Variants in RFPL2 observed in about 807,000 individuals in gnomAD.
RFPL2 encodes ret finger protein like 2.
A neutral mutation model predicts 17.8 loss-of-function variants in RFPL2; 13 were observed. The ratio of observed to expected loss-of-function variants is 0.73; its 90% confidence interval spans 0.47 to 1.16. The LOEUF is 1.16. RFPL2 is among the 50% of genes most tolerant of loss of function. The pLI is 0.00. For synonymous variants in RFPL2, 189 were observed against 180.9 expected (o/e 1.04, Z -0.36); for missense variants, 431 against 479.3 (o/e 0.90, Z 0.94).
intron 2 of RFPL2, chr22:32,200,117 C>T (rs1923761533): frequency 2.5e-6 from 1 of 397,440 alleles, no homozygotes; most frequent in Non-Finnish European, 5.0e-6. Flanking sequence ...AGTACACAGC[C>T]AGAAGCGACC....
intron 3 of RFPL2, 34 bp downstream of exon 3, chr22:32,194,311 A>C (rs1254237725): frequency 3.1e-6 from 5 of 1,589,962 alleles, no homozygotes; most frequent in African/African-American, 1.4e-5. Context: ...CTAGGCATCT[A>C]AGAGGAAAAA....
chr22:32,192,350 G>A (rs962784088), intron 4 of RFPL2, among the ~76,000 whole-genome samples: 3 of 152,198 alleles, frequency 2.0e-5, no homozygotes, highest in Admixed American at 6.5e-5. Context: ...AGCCCATGGC[G>A]CATGGATGAG....
At chr22:32,204,682 T>A (rs769438521) in intron 1 of RFPL2, among the ~76,000 whole-genome samples, 25 bp downstream of exon 1, 5 of 152,202 alleles carry the variant, frequency 3.3e-5, no homozygotes, top group African/African-American at 4.8e-5. Context: ...GCCTCCAGCG[T>A]GGGACAGGTG....
chr22:32,204,119 C>CCAGCGCGACCAGTGCAG, intron 1 of RFPL2, among the ~76,000 whole-genome samples: 1 of 150,116 alleles, frequency 6.7e-6, no homozygotes, highest in African/African-American at 2.4e-5. Context: ...AACCCGCACC[C>CCAGCGCGACCAGTGCAG]CCACCCCCGC....
intron 2 of RFPL2, among the ~76,000 whole-genome samples, chr22:32,198,343 G>A (rs1923565243): frequency 6.6e-6 from 1 of 152,116 alleles, no homozygotes; most frequent in African/African-American, 2.4e-5. Flanking sequence ...ATTTCCAGAT[G>A]TCCTGTCATT....
Position 32,194,408 on chromosome 22 carries a change from A to T in RFPL2, c.202T>A (p.Ser68Thr), listed in dbSNP as rs77376164. ...CACTGGGCGCTCAGGTCTTGTGGGGAAGGGGCACACGAGGGCCTTTTATTG... is the reference window on the plus strand; with the variant it reads ...CACTGGGCGCTCAGGTCTTGTGGGGTAGGGGCACACGAGGGCCTTTTATTG... The part of the protein sequence containing the change: ...LTNKRPSCAP[S>T]PQDLSAQWKQ... The change falls in exon 3 of 5, where the codon TCC (serine) becomes ACC (threonine). Residue 68 changes from serine (S) to threonine (T), a missense_variant. By Grantham distance (58) the Ser-to-Thr change is moderately conservative. Transcript: ENST00000652607. The T allele has an allele frequency of 3.8e-3, 6,063 of 1,609,062 alleles. 178 individuals are homozygous for T. In the African/African-American group the frequency reaches 0.07, roughly 19 times the overall value.
At chr22:32,197,199 C>G (rs557281304) in intron 2 of RFPL2, among the ~76,000 whole-genome samples, 2 of 152,112 alleles carry the variant, frequency 1.3e-5, no homozygotes, top group African/African-American at 4.8e-5. Flanking sequence ...GGCTCTGCAG[C>G]AGAAATCTTA....
In RFPL2 at chr22:32,202,477, C is replaced by A; in HGVS notation, c.-26G>T. ...CGGAGGCAAATCATGGTGCCACAGG[C>A]TCTAGCCTCCAGCCCGTGGCATGTA... On this transcript the variant is annotated 5_prime_UTR_variant, in exon 2 of 5. Transcript: ENST00000652607. The A allele has an allele frequency of 6.4e-7, 1 of 1,566,144 alleles. No homozygotes were observed. Among genetic ancestry groups the A allele is most frequent in the Non-Finnish European group, 8.7e-7 (1 of 1,155,308 alleles).
intron 2 of RFPL2, among the ~76,000 whole-genome samples, chr22:32,200,660 C>A (rs1923822673): frequency 6.6e-6 from 1 of 152,108 alleles, no homozygotes; most frequent in South Asian, 2.1e-4. Context: ...TTCAGATGCA[C>A]CCTCTGTCCC....
intron 4 of RFPL2, 71 bp downstream of exon 4, chr22:32,192,831 A>T: frequency 6.6e-7 from 1 of 1,525,660 alleles, no homozygotes; most frequent in East Asian, 2.3e-5. Flanking sequence ...ATGTGGAATG[A>T]GGGGCCAACT....
At chr22:32,201,741 A>G (rs1308348114) in intron 2 of RFPL2, among the ~76,000 whole-genome samples, 1 of 152,186 alleles carries the variant, frequency 6.6e-6, no homozygotes, top group Non-Finnish European at 1.5e-5. Flanking sequence ...GACAGAGAAC[A>G]TAGCCCAGCC....
At position 32,198,313 on chromosome 22, in the gene RFPL2, C is replaced by T. The variant is rs189122841; in HGVS notation, c.120-3823G>A. On this transcript the variant is annotated intron_variant, in intron 2 of 4. Transcript: ENST00000652607. The stretch of plus-strand genomic sequence containing the variant: ...TCAAAGGGAAAACCTGATCCAGACA[C>T]AAACTTCCTTGGCCTCTGCATTTCC... Among the ~76,000 whole-genome samples, 731 of 152,286 alleles carry T rather than the reference C, an allele frequency of 4.8e-3. 6 individuals carry two copies. Among genetic ancestry groups the T allele is most frequent in the African/African-American group, 0.017 (709 of 41,546 alleles).
intron 2 of RFPL2, 85 bp from the exon 3 acceptor site, chr22:32,194,575 G>T: frequency 3.7e-6 from 5 of 1,361,788 alleles, no homozygotes; most frequent in Non-Finnish European, 5.1e-6. Context: ...CCTTCATCCT[G>T]ACAGTGTATT....
intron 2 of RFPL2, chr22:32,199,837 T>A (rs1436877305): frequency 1.5e-5 from 6 of 388,550 alleles, no homozygotes; most frequent in African/African-American, 1.1e-4. Flanking sequence ...TGAGGGGGCC[T>A]GACCCCTCTT....
At chr22:32,197,121 C>T (rs568796270) in intron 2 of RFPL2, among the ~76,000 whole-genome samples, 2 of 152,326 alleles carry the variant, frequency 1.3e-5, no homozygotes, top group African/African-American at 2.4e-5. Context: ...AGATTAATCA[C>T]AGGACAGATA....
chr22:32,202,095 C>T (rs972389264), intron 2 of RFPL2, among the ~76,000 whole-genome samples: 22 of 152,202 alleles, frequency 1.4e-4, no homozygotes, highest in African/African-American at 3.1e-4. Flanking sequence ...TTCTAGAGGA[C>T]GCCCCCAGCT....
chr22:32,200,427 G>A (rs1923795320), intron 2 of RFPL2, among the ~76,000 whole-genome samples: 1 of 152,100 alleles, frequency 6.6e-6, no homozygotes, highest in South Asian at 2.1e-4. Context: ...ACTCACCCTG[G>A]GTTCTCAGTG....
intron 1 of RFPL2, among the ~76,000 whole-genome samples, 58 bp downstream of exon 1, chr22:32,204,649 G>T (rs942185832): frequency 6.6e-6 from 1 of 152,260 alleles, no homozygotes; most frequent in African/African-American, 2.4e-5. Context: ...AGCGAGCCGA[G>T]CCATGCTGCT....
At chr22:32,191,584 A>C (rs1922660196) in intron 4 of RFPL2, among the ~76,000 whole-genome samples, 1 of 152,180 alleles carries the variant, frequency 6.6e-6, no homozygotes, top group Non-Finnish European at 1.5e-5. Flanking sequence ...ACTTTATGTC[A>C]TGTGTTTGCT....
Sources: allele counts gnomAD v4.1 joint callset (sites outside exome capture counted in the v4.1 genomes callset), GRCh38; gene constraint gnomAD v4.1.1; transcripts MANE v1.5; gene names NCBI Gene and HGNC (gene_info 2026-07-23, HGNC 2026-07-21).